The following DLG2 variants were observed in gnomAD, a reference collection of about 807,000 sequenced individuals.
The protein encoded by DLG2 is discs large MAGUK scaffold protein 2.
A neutral mutation model predicts 132.5 loss-of-function variants in DLG2; 45 were observed. The observed-to-expected ratio is 0.34, with a 90% confidence interval of 0.27 to 0.44. DLG2 has a LOEUF of 0.44. Ranked by LOEUF, DLG2 falls within the 20% of genes least tolerant of loss-of-function variation. The pLI is 1.00. For synonymous variants in DLG2, 424 were observed against 419.6 expected, an observed-to-expected ratio of 1.01 and a Z score of -0.13; for missense variants, 1,045 against 1,196.9, an observed-to-expected ratio of 0.87 and a Z score of 1.87.
At chr11:85,478,837 G>C (rs1330379371) in intron 3 of DLG2, among the ~76,000 whole-genome samples, 1 of 152,106 alleles carries the variant, frequency 6.6e-6, no homozygotes, top group Non-Finnish European at 1.5e-5. Context: ...AATTAAATAA[G>C]TCAACAAAAA....
chr11:84,350,365 T>G (rs1312983018), intron 7 of DLG2, among the ~76,000 whole-genome samples: 3 of 152,166 alleles, frequency 2.0e-5, no homozygotes, highest in Admixed American at 2.0e-4. Context: ...TTATCACATA[T>G]GCAAAGGAGT....
At chr11:84,732,862 T>C (rs2099132371) in intron 6 of DLG2, among the ~76,000 whole-genome samples, 1 of 146,070 alleles carries the variant, frequency 6.8e-6, no homozygotes, top group Non-Finnish European at 1.5e-5. Context: ...CATTGTTCAA[T>C]TCCCACCTAT....
chr11:84,283,055 T>C (rs2097868692), intron 7 of DLG2, among the ~76,000 whole-genome samples: 6 of 152,184 alleles, frequency 3.9e-5, no homozygotes. Flanking sequence ...TGTGATAGAG[T>C]AAACTCTCTG....
intron 3 of DLG2, among the ~76,000 whole-genome samples, chr11:85,580,106 T>C (rs575340989): frequency 1.3e-5 from 2 of 152,246 alleles, no homozygotes; most frequent in East Asian, 3.9e-4. Context: ...GCACACTCTC[T>C]CTCTCTTTGC....
chr11:83,455,460 C>G lies in DLG2; in HGVS notation c.*4358G>C, dbSNP rs1390043553. 2 of 152,640 alleles carry G rather than the reference C, an allele frequency of 1.3e-5. No homozygotes were observed. The highest frequency in any genetic ancestry group is 2.4e-5 in the African/African-American group (1 of 41,454). 9.5% of individuals were successfully genotyped at this position (152,640 alleles called of 1,614,324 possible). On this transcript the variant is annotated 3_prime_UTR_variant, in exon 28 of 28. Transcript: ENST00000376104. ...AACTCAAAAAGGAGAGAAGAAAAGTCTGCCATCCCATTGGGAGTCAACCTT... is the reference window on the plus strand; with the variant it reads ...AACTCAAAAAGGAGAGAAGAAAAGTGTGCCATCCCATTGGGAGTCAACCTT...
chr11:84,347,075 C>A (rs954233637), intron 7 of DLG2, among the ~76,000 whole-genome samples: 4 of 152,078 alleles, frequency 2.6e-5, no homozygotes, highest in Non-Finnish European at 4.4e-5. Flanking sequence ...AATAAAAACA[C>A]CATCTCAGTG....
intron 11 of DLG2, among the ~76,000 whole-genome samples, chr11:83,984,556 T>C (rs1009649822): frequency 6.6e-6 from 1 of 152,174 alleles, no homozygotes; most frequent in Non-Finnish European, 1.5e-5. Flanking sequence ...TGCTATAAGA[T>C]TGCATCTATC....
At chr11:84,887,286 C>A (rs2088500687) in intron 6 of DLG2, 1 of 151,914 alleles carries the variant, frequency 6.6e-6, no homozygotes, top group South Asian at 2.1e-4. Context: ...AAAATGAAAG[C>A]AAAACAGCTT....
chr11:84,257,769 C>T (rs1238029712), intron 7 of DLG2, among the ~76,000 whole-genome samples: 1 of 150,618 alleles, frequency 6.6e-6, no homozygotes, highest in African/African-American at 2.5e-5. Flanking sequence ...TTACCACAAC[C>T]TCTGCCTCCC....
At chr11:83,883,481 C>T (rs576047847) in intron 15 of DLG2, among the ~76,000 whole-genome samples, 24 of 152,018 alleles carry the variant, frequency 1.6e-4, no homozygotes, top group Non-Finnish European at 1.0e-4. Context: ...TCTAAAAATC[C>T]CACTCATCAC....
At chr11:85,167,668 C>G (rs986890080) in intron 4 of DLG2, among the ~76,000 whole-genome samples, 1 of 152,078 alleles carries the variant, frequency 6.6e-6, no homozygotes, top group Non-Finnish European at 1.5e-5. Context: ...TGCATGGCTG[C>G]CCACTCTTCA....
intron 7 of DLG2, among the ~76,000 whole-genome samples, chr11:84,380,220 G>A (rs1333323983): frequency 6.6e-6 from 1 of 152,046 alleles, no homozygotes; most frequent in African/African-American, 2.4e-5. Flanking sequence ...GGAGATACTA[G>A]AAGAAACAGA....
At chr11:83,466,505 G>T (rs532631393) in intron 26 of DLG2, among the ~76,000 whole-genome samples, 1 of 152,160 alleles carries the variant, frequency 6.6e-6, no homozygotes, top group South Asian at 2.1e-4. Flanking sequence ...TAAAATGAGG[G>T]ATGTTAAAAA....
intron 6 of DLG2, among the ~76,000 whole-genome samples, chr11:84,774,093 G>A (rs2069939971): frequency 6.6e-6 from 1 of 150,516 alleles, no homozygotes; most frequent in Non-Finnish European, 1.5e-5. Context: ...AAACTTTCAG[G>A]ACACAAAATC....
At chr11:84,992,781 T>C (rs1411029376) in intron 6 of DLG2, among the ~76,000 whole-genome samples, 1 of 152,222 alleles carries the variant, frequency 6.6e-6, no homozygotes, top group Non-Finnish European at 1.5e-5. Context: ...TTGTAGATTC[T>C]GGATGTTAGA....
chr11:84,859,389 C>CAT (rs1018179673), intron 6 of DLG2, among the ~76,000 whole-genome samples: 1 of 142,200 alleles, frequency 7.0e-6, no homozygotes, highest in Non-Finnish European at 1.5e-5. Flanking sequence ...TATATGCATA[C>CAT]ATATATATGT....
rs906134971 is a variant in DLG2, at chr11:85,271,579, G to A, written c.186+13641C>T. On this transcript the variant is annotated intron_variant, in intron 4 of 27. Coordinates refer to ENST00000376104, the MANE Select transcript of DLG2 (RefSeq NM_001142699.3). ...AATGCCAGCACAGGAAAGCAGCCAG[G>A]AGGGAGGCTACCTTGCATAGCCAGA... is the stretch of plus-strand genomic sequence containing the variant. 3.3e-5 allele frequency among the ~76,000 whole-genome samples: 5 copies of A among 152,240 alleles called. No homozygotes were observed. The South Asian group carries it at 6.2e-4, about 19-fold the overall frequency.
At chr11:84,964,669 G>A (rs1183581293) in intron 6 of DLG2, among the ~76,000 whole-genome samples, 1 of 152,074 alleles carries the variant, frequency 6.6e-6, no homozygotes, top group South Asian at 2.1e-4. Context: ...AGGCACTGAT[G>A]TAAAAATATT....
chr11:85,597,960 A>G (rs1301497253), intron 3 of DLG2, among the ~76,000 whole-genome samples: 1 of 151,544 alleles, frequency 6.6e-6, no homozygotes, highest in Non-Finnish European at 1.5e-5. Flanking sequence ...ACTTCCTAAA[A>G]TATAAAAAAG....
Sources: gnomAD v4.1 joint callset for allele counts (sites outside exome capture counted in the v4.1 genomes callset) on GRCh38, gnomAD v4.1.1 for gene constraint, MANE v1.5 for transcripts, NCBI Gene and HGNC (gene_info 2026-07-23, HGNC 2026-07-21) for gene names.